The following NBAS variants were observed in gnomAD, a reference collection of about 807,000 sequenced individuals.
NBAS encodes the protein NBAS subunit of NRZ tethering complex.
NBAS carries 219 observed loss-of-function variants against 302.5 expected under a neutral mutation model. That is an observed-to-expected ratio of 0.72 (90% CI 0.65 to 0.81). The LOEUF (loss-of-function observed/expected upper bound fraction) is 0.81. Ranked by LOEUF, NBAS falls within the 30% of genes least tolerant of loss-of-function variation. The probability of loss-of-function intolerance (pLI) is 0.00; values close to 1 mark genes in which losing one functional copy is unlikely to be tolerated. For synonymous variants in NBAS, 1,118 were observed against 1,021.6 expected, an observed-to-expected ratio of 1.09 and a Z score of -1.80; for missense variants, 2,932 against 2,841.6, an observed-to-expected ratio of 1.03 and a Z score of -0.72.
rs758358976 is a variant in NBAS at position 15,292,666 on chromosome 2, T to C, written c.4898A>G (p.His1633Arg). The C allele has an allele frequency of 6.2e-7, 1 of 1,614,068 alleles. No homozygotes were observed. Among genetic ancestry groups the C allele is most frequent in the Admixed American group, 1.7e-5 (1 of 60,002 alleles). Residue 1633 changes from histidine (H) to arginine (R), a missense_variant, in exon 41 of 52, where the codon CAC (histidine) becomes CGC (arginine). His to Arg is a conservative substitution (Grantham distance 29). Transcript: ENST00000281513. The stretch of plus-strand genomic sequence containing the variant: ...ATCCAGGAGACGTTCATTGTAGCAG[T>C]GTAACTGCTTGGTCAGTGAAATAAG... ...EDLISLTKQL[H>R]CYNERLLDFT...
intron 48 of NBAS, among the ~76,000 whole-genome samples, chr2:15,217,082 T>A (rs1271196775): frequency 6.6e-6 from 1 of 152,230 alleles, no homozygotes; most frequent in African/African-American, 2.4e-5. Flanking sequence ...CTCTAACTTC[T>A]ATGCCCTGTA....
At chr2:14,935,476 ATT>A in the NBAS span, among the ~76,000 whole-genome samples, 1 of 151,980 alleles carries the variant, frequency 6.6e-6, no homozygotes. Context: ...CATCTTGGTC[ATT>A]TTTTTATGCT....
chr2:14,890,130 T>C, the NBAS span, among the ~76,000 whole-genome samples: 1 of 152,338 alleles, frequency 6.6e-6, no homozygotes, highest in Non-Finnish European at 1.5e-5. Flanking sequence ...ACCTACTGTT[T>C]GTAAATGCTA....
intron 28 of NBAS, among the ~76,000 whole-genome samples, chr2:15,389,398 C>T (rs6734428): frequency 6.6e-6 from 1 of 152,178 alleles, no homozygotes; most frequent in East Asian, 1.9e-4. Context: ...GAATAATGCA[C>T]TATTTCTTCA....
the NBAS span, among the ~76,000 whole-genome samples, chr2:15,115,387 C>T: frequency 6.6e-6 from 1 of 152,154 alleles, no homozygotes; most frequent in East Asian, 1.9e-4. Context: ...GGTAAATCTA[C>T]TTCATAAATG....
the NBAS span, among the ~76,000 whole-genome samples, chr2:14,810,238 G>C: frequency 7.2e-5 from 11 of 152,306 alleles, no homozygotes; most frequent in African/African-American, 2.6e-4. Flanking sequence ...GATCGTGGAG[G>C]GGCCAGGGGC....
the NBAS span, among the ~76,000 whole-genome samples, chr2:14,834,566 T>A: frequency 6.6e-6 from 1 of 152,122 alleles, no homozygotes; most frequent in African/African-American, 2.4e-5. Context: ...TGTCTGGAGG[T>A]ATATGCAAGG....
At chr2:15,006,154 G>T in the NBAS span, among the ~76,000 whole-genome samples, 2 of 152,260 alleles carry the variant, frequency 1.3e-5, no homozygotes, top group South Asian at 4.1e-4. Flanking sequence ...GAGTTCAAAA[G>T]TAAGAATATC....
chr2:15,005,080 T>A, the NBAS span, among the ~76,000 whole-genome samples: 1 of 152,190 alleles, frequency 6.6e-6, no homozygotes, highest in East Asian at 1.9e-4. Context: ...CTTGTGCTTA[T>A]AAAATAAAAT....
At position 15,330,664 on chromosome 2, in the gene NBAS, C is replaced by T. The variant is rs141376041; in HGVS notation, c.4281G>A (p.Ala1427=). 57 of 1,613,922 alleles carry T rather than the reference C, an allele frequency of 3.5e-5. No individual in the cohort carries two copies. Among genetic ancestry groups the T allele is most frequent in the African/African-American group, 1.7e-4 (13 of 74,924 alleles). The change falls in exon 36 of 52, where the codon GCG becomes GCA. Residue 1427 remains alanine, a synonymous_variant. Coordinates refer to ENST00000281513, the MANE Select transcript of NBAS (RefSeq NM_015909.4). ...VLSNTTTTTK[A]VLQAVSDGQW... is the part of the protein sequence containing the mutation. Reference sequence around the variant, plus strand: ...GCCCATCACTGACGGCCTGCAGCACCGCTTTGGTGGTGGTTGTGGTGTTGG... The same window carrying T: ...GCCCATCACTGACGGCCTGCAGCACTGCTTTGGTGGTGGTTGTGGTGTTGG...
chr2:15,022,820 A>G, the NBAS span, among the ~76,000 whole-genome samples: 1 of 152,100 alleles, frequency 6.6e-6, no homozygotes, highest in Non-Finnish European at 1.5e-5. Flanking sequence ...GTCTAGAGTG[A>G]TCTTTTTAAT....
chr2:14,889,697 G>A, the NBAS span, among the ~76,000 whole-genome samples: 1 of 152,160 alleles, frequency 6.6e-6, no homozygotes, highest in African/African-American at 2.4e-5. Context: ...CATGAGATTA[G>A]AAGTGCAGGT....
chr2:14,794,511 T>C, the NBAS span, among the ~76,000 whole-genome samples: 1 of 152,322 alleles, frequency 6.6e-6, no homozygotes, highest in East Asian at 1.9e-4. Flanking sequence ...TCATTGTAAA[T>C]GGTATTCAAT....
At chr2:15,453,385 T>G (rs1351706730) in intron 21 of NBAS, among the ~76,000 whole-genome samples, 2 of 152,218 alleles carry the variant, frequency 1.3e-5, no homozygotes, top group African/African-American at 4.8e-5. Context: ...GGCAGGTGAC[T>G]GTGCTTTCTG....
At chr2:15,119,017 G>A in the NBAS span, among the ~76,000 whole-genome samples, 1 of 152,168 alleles carries the variant, frequency 6.6e-6, no homozygotes, top group Non-Finnish European at 1.5e-5. Context: ...AAACAGACAA[G>A]GGATGAGGTG....
chr2:15,427,849 CCA>C, intron 21 of NBAS, 55 bp from the exon 22 acceptor site: 2 of 1,347,266 alleles, frequency 1.5e-6, no homozygotes, highest in Non-Finnish European at 2.1e-6. Context: ...AATGACTTAG[CCA>C]CACAAGGAGT....
chr2:15,288,080 C>T (rs767613870), intron 41 of NBAS, among the ~76,000 whole-genome samples: 35 of 152,184 alleles, frequency 2.3e-4, no homozygotes, highest in African/African-American at 7.7e-4. Context: ...AACAGTGCTG[C>T]GGTTGAAAAG....
At chr2:15,182,048 C>A (rs555791767) in intron 50 of NBAS, among the ~76,000 whole-genome samples, 2 of 152,208 alleles carry the variant, frequency 1.3e-5, no homozygotes, top group Non-Finnish European at 2.9e-5. Flanking sequence ...GCTGGTTCTG[C>A]AGCCCCAGGT....
chr2:15,090,414 G>A, the NBAS span, among the ~76,000 whole-genome samples: 1 of 152,198 alleles, frequency 6.6e-6, no homozygotes, highest in Non-Finnish European at 1.5e-5. Flanking sequence ...TCATATTCTG[G>A]TATCTGTATA....
Sources: allele counts gnomAD v4.1 joint callset (sites outside exome capture counted in the v4.1 genomes callset), GRCh38; gene constraint gnomAD v4.1.1; transcripts MANE v1.5; gene names NCBI Gene and HGNC (gene_info 2026-07-23, HGNC 2026-07-21).